Variants in SNX29 observed in about 807,000 individuals in gnomAD.
SNX29 encodes the protein sorting nexin 29, also known as sorting nexin-29.
In SNX29, 78 loss-of-function variants were observed where a neutral mutation model predicts 102.1. The ratio of observed to expected loss-of-function variants is 0.76; its 90% CI spans 0.64 to 0.92. The LOEUF is 0.92. SNX29 is among the 40% of genes least tolerant of loss of function. The pLI is 0.00. For missense variants in SNX29, 1,280 were observed against 1,061.7 expected (o/e 1.21, Z -2.86); for synonymous variants, 580 against 414.5 (o/e 1.40, Z -4.85).
Position 12,199,698 on chromosome 16 carries a change from G to C in SNX29, c.1678+15G>C. ...AACAGCTGAAGGTGAGGGGGAGCCT[G>C]AGCCCGGGTTGGGAGGGGCCGGGCT... On this transcript the variant is annotated intron_variant, in intron 14 of 20. Transcript: ENST00000566228. The C allele has an allele frequency of 6.2e-7, 1 of 1,609,070 alleles. No homozygotes were observed. The highest frequency in any genetic ancestry group is 8.5e-7 in the Non-Finnish European group (1 of 1,177,496).
intron 18 of SNX29, among the ~76,000 whole-genome samples, chr16:12,429,466 A>G (rs911072892): frequency 1.3e-5 from 2 of 152,172 alleles, no homozygotes; most frequent in African/African-American, 4.8e-5. Context: ...TGTCACCCAG[A>G]CTGGAGTGCA....
intron 9 of SNX29, among the ~76,000 whole-genome samples, chr16:12,067,297 G>T (rs1460227075): frequency 2.0e-5 from 3 of 151,596 alleles, no homozygotes; most frequent in Non-Finnish European, 4.4e-5. Flanking sequence ...TTTTTTCCTG[G>T]TAAGTTTCCC....
Position 12,278,014 on chromosome 16 carries a change from C to A in SNX29, c.1760C>A (p.Ser587Tyr). 2 of 1,603,742 alleles carry A rather than the reference C, an allele frequency of 1.2e-6. No individual in the cohort carries two copies. The highest frequency in any genetic ancestry group is 2.2e-5 in the East Asian group (1 of 44,564). ...GAAATTGCTGAAGAACTCGCAAGCT[C>A]CTACGAAAGAAAGCTCATCGAGGTA... is the stretch of plus-strand genomic sequence containing the variant. ...PGEIAEELAS[S>Y]YERKLIEVAE... The change falls in exon 15 of 21, where the codon TCC becomes TAC. Residue 587 changes from serine (S) to tyrosine (Y), a missense_variant. By Grantham distance (144) the Ser-to-Tyr change is moderately radical. Coordinates refer to ENST00000566228, the MANE Select transcript of SNX29 (RefSeq NM_032167.5).
chr16:12,236,552 T>C (rs928988591), intron 14 of SNX29, among the ~76,000 whole-genome samples: 3 of 152,200 alleles, frequency 2.0e-5, no homozygotes, highest in African/African-American at 7.2e-5. Flanking sequence ...GTTCGAGGTG[T>C]CACCTACTCT....
chr16:11,983,034 G>T (rs1279075526), intron 1 of SNX29, among the ~76,000 whole-genome samples: 5 of 151,858 alleles, frequency 3.3e-5, no homozygotes, highest in Non-Finnish European at 7.4e-5. Flanking sequence ...GGGCTCCAGT[G>T]ATTCTCTTGC....
At chr16:12,204,308 C>T (rs767431817) in intron 14 of SNX29, among the ~76,000 whole-genome samples, 1 of 152,194 alleles carries the variant, frequency 6.6e-6, no homozygotes, top group African/African-American at 2.4e-5. Flanking sequence ...TTTTCTATAG[C>T]TCATGTGTTC....
chr16:12,418,522 C>CTTT (rs35098603), intron 18 of SNX29, among the ~76,000 whole-genome samples: 10,273 of 148,288 alleles, frequency 0.069, 472 homozygotes, highest in East Asian at 0.19. Context: ...GTTTTCTTTT[C>CTTT]TTTTTTTTTT....
At chr16:12,252,825 A>G (rs2078460972) in intron 14 of SNX29, among the ~76,000 whole-genome samples, 1 of 152,204 alleles carries the variant, frequency 6.6e-6, no homozygotes, top group African/African-American at 2.4e-5. Context: ...TGTGTCTCCA[A>G]GCAGCACGGT....
At chr16:12,358,873 A>G (rs1452740522) in intron 16 of SNX29, among the ~76,000 whole-genome samples, 1 of 152,238 alleles carries the variant, frequency 6.6e-6, no homozygotes, top group Non-Finnish European at 1.5e-5. Context: ...CTGGAGGTTG[A>G]TACATGGGGA....
At chr16:12,503,755 T>G (rs1443234675) in intron 19 of SNX29, among the ~76,000 whole-genome samples, 1 of 152,164 alleles carries the variant, frequency 6.6e-6, no homozygotes, top group Non-Finnish European at 1.5e-5. Context: ...GCAGAGCCTC[T>G]GGCAGGCCCA....
rs544492729 is a variant in SNX29, at chr16:12,238,238, G to C, written c.1678+38555G>C. Among the ~76,000 whole-genome samples the C allele has an allele frequency of 7.9e-4, 120 of 151,342 alleles. 2 individuals are homozygous for C. Among genetic ancestry groups the C allele is most frequent in the African/African-American group, 2.8e-3 (114 of 41,310 alleles). ...AATACCCAGAACCTTATTTGTGAAA[G>C]GGAGGAAATTAAGGGGTAAGAAGGC... On this transcript the variant is annotated intron_variant, in intron 14 of 20. Coordinates refer to ENST00000566228, the MANE Select transcript of SNX29 (RefSeq NM_032167.5).
At chr16:12,058,335 T>C (rs1468675918) in intron 8 of SNX29, among the ~76,000 whole-genome samples, 1 of 152,250 alleles carries the variant, frequency 6.6e-6, no homozygotes, top group African/African-American at 2.4e-5. Flanking sequence ...ATAACGTGTG[T>C]TAATTGTCTT....
Position 12,356,351 on chromosome 16 carries a change from C to A in SNX29, c.1899+72C>A, listed in dbSNP as rs1013179968. On this transcript the variant is annotated intron_variant, in intron 16 of 20. Coordinates refer to ENST00000566228, the MANE Select transcript of SNX29 (RefSeq NM_032167.5). ...ACAGCCCAGTAGAAAAGCACAGAGA[C>A]TCACAGAGCAAGCAACCATGCATCC... 6.5e-6 allele frequency: 9 copies of A among 1,391,056 alleles called. No individual in the cohort carries two copies. The African/African-American group carries it at 1.0e-4, about 15-fold the overall frequency. The allele number at this position is 1,391,056 out of a possible 1,614,324, so 86.2% of individuals were successfully genotyped here.
chr16:12,485,587 C>CA (rs1355341303), intron 19 of SNX29, among the ~76,000 whole-genome samples: 1 of 152,180 alleles, frequency 6.6e-6, no homozygotes, highest in African/African-American at 2.4e-5. Flanking sequence ...CCATTGGAAA[C>CA]ACAGCCCTCG....
intron 16 of SNX29, among the ~76,000 whole-genome samples, chr16:12,392,525 T>A (rs1023005816): frequency 1.1e-4 from 16 of 152,208 alleles, no homozygotes; most frequent in African/African-American, 3.1e-4. Context: ...AGCGATCAGA[T>A]GTGCCTGCCT....
chr16:12,055,890 C>T (rs2050500104), intron 8 of SNX29, among the ~76,000 whole-genome samples: 1 of 151,894 alleles, frequency 6.6e-6, no homozygotes, highest in Admixed American at 6.6e-5. Flanking sequence ...TGCCTTTATT[C>T]TTTTTTTTCT....
Position 12,411,804 on chromosome 16 carries a change from C to T in SNX29, c.2037+8275C>T, listed in dbSNP as rs149041159. Among the ~76,000 whole-genome samples, 86 of 152,210 alleles carry T rather than the reference C, an allele frequency of 5.7e-4. No individual in the cohort carries two copies. In the East Asian group the frequency reaches 0.015, roughly 27 times the overall value. ...ACTCACCTTGCAGCATGGATGTGACCGTGTGTGATGACATATGAAATGCTT... is the reference window on the plus strand; with the variant it reads ...ACTCACCTTGCAGCATGGATGTGACTGTGTGTGATGACATATGAAATGCTT... On this transcript the variant is annotated intron_variant, in intron 18 of 20. Coordinates refer to ENST00000566228, the MANE Select transcript of SNX29 (RefSeq NM_032167.5).
intron 20 of SNX29, among the ~76,000 whole-genome samples, chr16:12,565,666 C>G (rs540912811): frequency 6.6e-6 from 1 of 152,216 alleles, no homozygotes; most frequent in Non-Finnish European, 1.5e-5. Context: ...GCTCAGTGCA[C>G]GTCCCGAGCT....
At chr16:12,162,008 A>G (rs111850465) in intron 13 of SNX29, among the ~76,000 whole-genome samples, 2,734 of 151,986 alleles carry the variant, frequency 0.018, 84 homozygotes, top group African/African-American at 0.063. Flanking sequence ...ATCCCTCACC[A>G]CCCCTGTTGG....
Sources: allele counts gnomAD v4.1 joint callset (sites outside exome capture counted in the v4.1 genomes callset), GRCh38; gene constraint gnomAD v4.1.1; transcripts MANE v1.5; gene names NCBI Gene and HGNC (gene_info 2026-07-23, HGNC 2026-07-21).